The following FGFR1OP2 variants were observed in gnomAD, a reference collection of about 807,000 sequenced individuals.
FGFR1OP2 encodes fibroblast growth factor receptor 1 oncogene partner 2.
FGFR1OP2 carries 17 observed loss-of-function variants against 35.2 expected under a neutral mutation model. The ratio of observed to expected loss-of-function variants is 0.48; its 90% CI spans 0.33 to 0.73. The LOEUF is 0.73. FGFR1OP2 is among the 30% of genes least tolerant of loss of function. The pLI is 0.02. For missense variants in FGFR1OP2, 251 were observed against 307.3 expected, an observed-to-expected ratio of 0.82 and a Z score of 1.37; for synonymous variants, 105 against 104.6, an observed-to-expected ratio of 1.00 and a Z score of -0.03.
At chr12:26,953,357 C>T (rs1443713777) in intron 1 of FGFR1OP2, among the ~76,000 whole-genome samples, 1 of 149,618 alleles carries the variant, frequency 6.7e-6, no homozygotes, top group Non-Finnish European at 1.5e-5. Context: ...TGGAAAGAGA[C>T]TTTAAAATTA....
At position 26,956,459 on chromosome 12, in the gene FGFR1OP2, ATATATT is replaced by A. The variant is rs930941547; in HGVS notation, c.136-72_136-67del. ...CAGATTTTTTATATGTATATTTCAG[ATATATT>A]TATATTTATATATCATATATATATA... On this transcript the variant is annotated intron_variant, in intron 2 of 6. Transcript: ENST00000229395. 3.6e-5 allele frequency: 10 copies of A among 277,550 alleles called. 1 individual carries two copies. Among genetic ancestry groups the A allele is most frequent in the South Asian group, 1.5e-4 (1 of 6,636 alleles). The allele number at this position is 277,550 out of a possible 1,614,324, so 17.2% of individuals were successfully genotyped here.
intron 5 of FGFR1OP2, chr12:26,961,725 C>T (rs958980608): frequency 2.6e-5 from 4 of 152,004 alleles, no homozygotes; most frequent in East Asian, 1.9e-4. Flanking sequence ...CCAACAAGAG[C>T]GAGACTCTGT....
chr12:26,947,276 A>G lies in FGFR1OP2; in HGVS notation c.-14-6869A>G, dbSNP rs750178816. On this transcript the variant is annotated intron_variant, in intron 1 of 6. Coordinates refer to ENST00000229395, the MANE Select transcript of FGFR1OP2 (RefSeq NM_015633.3). Reference sequence around the variant, plus strand: ...ACTTACTATCTTTTCTATTATAGCCATCCTAGTAGGTATATCTCATTGTGG... The same window carrying G: ...ACTTACTATCTTTTCTATTATAGCCGTCCTAGTAGGTATATCTCATTGTGG... Among the ~76,000 whole-genome samples the G allele has an allele frequency of 3.3e-5, 5 of 152,232 alleles. No individual in the cohort carries two copies. In the East Asian group the frequency reaches 7.7e-4, roughly 23 times the overall value.
chr12:26,947,423 T>C (rs1312067784), intron 1 of FGFR1OP2, among the ~76,000 whole-genome samples: 1 of 151,986 alleles, frequency 6.6e-6, no homozygotes, highest in Non-Finnish European at 1.5e-5. Context: ...CCTTTTAACT[T>C]TTTTTTTGGA....
At chr12:26,952,424 A>G (rs562546880) in intron 1 of FGFR1OP2, among the ~76,000 whole-genome samples, 2 of 152,238 alleles carry the variant, frequency 1.3e-5, no homozygotes, top group South Asian at 2.1e-4. Flanking sequence ...CATATTTTCA[A>G]GCATCCTTAT....
intron 1 of FGFR1OP2, among the ~76,000 whole-genome samples, chr12:26,939,162 C>T (rs1938656869): frequency 6.6e-6 from 1 of 152,182 alleles, no homozygotes; most frequent in African/African-American, 2.4e-5. Flanking sequence ...GTTCCAGTAT[C>T]TGTCCTGCTA....
In FGFR1OP2 at chr12:26,960,641, A is replaced by G; in HGVS notation, c.510+13A>G. ...AGCAAATCAGAATGTACACTAAATA[A>G]ACAGTCAACTTTTGGGGTGTGGATG... On this transcript the variant is annotated intron_variant, in intron 5 of 6. Coordinates refer to ENST00000229395, the MANE Select transcript of FGFR1OP2 (RefSeq NM_015633.3). The G allele has an allele frequency of 6.2e-7, 1 of 1,608,484 alleles. No homozygotes were observed. The highest frequency in any genetic ancestry group is 8.5e-7 in the Non-Finnish European group (1 of 1,176,896).
At chr12:26,961,204 A>G (rs1337888272) in intron 5 of FGFR1OP2, 2 of 152,242 alleles carry the variant, frequency 1.3e-5, no homozygotes, top group African/African-American at 2.4e-5. Flanking sequence ...AAGACAGTTC[A>G]AGGGTTATGT....
chr12:26,954,444 C>A, intron 2 of FGFR1OP2, 151 bp downstream of exon 2: 1 of 934,568 alleles, frequency 1.1e-6, no homozygotes, highest in Non-Finnish European at 1.5e-6. Flanking sequence ...TTAATTTTGT[C>A]GTGTTCAGGT....
At chr12:26,960,386 A>G in intron 4 of FGFR1OP2, 129 bp from the exon 5 acceptor site, 1 of 502,342 alleles carries the variant, frequency 2.0e-6, no homozygotes, top group Non-Finnish European at 3.4e-6. Flanking sequence ...TTTTGAACAG[A>G]TGCCTTTTTG....
intron 2 of FGFR1OP2, among the ~76,000 whole-genome samples, chr12:26,956,117 A>G: frequency 6.6e-6 from 1 of 152,160 alleles, no homozygotes; most frequent in East Asian, 1.9e-4. Flanking sequence ...AGGGAAGCCA[A>G]AAGATTGGAC....
chr12:26,941,298 T>G (rs753296287), intron 1 of FGFR1OP2, among the ~76,000 whole-genome samples: 1 of 152,180 alleles, frequency 6.6e-6, no homozygotes, highest in South Asian at 2.1e-4. Flanking sequence ...ACAGTCTTCT[T>G]CCTCCCACTC....
intron 1 of FGFR1OP2, among the ~76,000 whole-genome samples, 164 bp downstream of exon 1, chr12:26,938,874 T>G (rs1938639307): frequency 6.6e-6 from 1 of 151,984 alleles, no homozygotes; most frequent in African/African-American, 2.4e-5. Flanking sequence ...GAGCCGGACT[T>G]CCTCTCCGCG....
At chr12:26,941,773 C>G (rs1052030188) in intron 1 of FGFR1OP2, among the ~76,000 whole-genome samples, 6 of 152,090 alleles carry the variant, frequency 3.9e-5, no homozygotes, top group African/African-American at 1.4e-4. Flanking sequence ...CATATACATT[C>G]CCATTTCTTT....
At chr12:26,946,595 G>C (rs781094703) in intron 1 of FGFR1OP2, among the ~76,000 whole-genome samples, 7 of 152,108 alleles carry the variant, frequency 4.6e-5, no homozygotes, top group Non-Finnish European at 7.4e-5. Flanking sequence ...TATGGGCGTG[G>C]GCCACTGCGC....
In FGFR1OP2 at chr12:26,964,717, G is replaced by A. The variant is rs1565853030; in HGVS notation, c.746G>A (p.Ser249Asn). Residue 249 changes from serine to asparagine, a missense_variant, in exon 7 of 7, where the codon AGT (serine) becomes AAT (asparagine). By Grantham distance (46) the Ser-to-Asn change is conservative. Coordinates refer to ENST00000229395, the MANE Select transcript of FGFR1OP2 (RefSeq NM_015633.3). ...GCATTAGTGACCAACAGTGATTTGAGTCTGAGGAAGAGCTGAAGAGTTTCT... is the reference window on the plus strand; with the variant it reads ...GCATTAGTGACCAACAGTGATTTGAATCTGAGGAAGAGCTGAAGAGTTTCT... ...LSALVTNSDL[S>N]LRKS 6.2e-7 allele frequency: 1 copy of A among 1,611,012 alleles called. No individual in the cohort carries two copies. The highest frequency in any genetic ancestry group is 8.5e-7 in the Non-Finnish European group (1 of 1,179,152).
rs1939022580 is a variant in FGFR1OP2 at position 26,956,533 on chromosome 12, C to T, written c.136-10C>T. 1.4e-6 allele frequency: 2 copies of T among 1,411,972 alleles called. No individual in the cohort carries two copies. Among genetic ancestry groups the T allele is most frequent in the East Asian group, 2.6e-5 (1 of 38,604 alleles). 87.5% of individuals were successfully genotyped at this position (1,411,972 alleles called of 1,614,324 possible). ...GTATTTTCATCCCACATGTTTTTCT[C>T]CCCCATTAGTATCAGGAAGAAATTC... On this transcript the variant is annotated splice_polypyrimidine_tract_variant and intron_variant, in intron 2 of 6. Transcript: ENST00000229395.
chr12:26,952,043 T>C (rs1044268081), intron 1 of FGFR1OP2, among the ~76,000 whole-genome samples: 3 of 151,918 alleles, frequency 2.0e-5, no homozygotes, highest in African/African-American at 7.2e-5. Context: ...TAAAACCAAT[T>C]TTTTTGGTTA....
intron 1 of FGFR1OP2, among the ~76,000 whole-genome samples, chr12:26,941,171 A>G (rs1047683660): frequency 2.6e-5 from 4 of 152,172 alleles, no homozygotes; most frequent in Admixed American, 2.6e-4. Context: ...TAATGTAAGT[A>G]AGTGTATTAT....
Sources: allele counts gnomAD v4.1 joint callset (sites outside exome capture counted in the v4.1 genomes callset), GRCh38; gene constraint gnomAD v4.1.1; transcripts MANE v1.5; gene names NCBI Gene and HGNC (gene_info 2026-07-23, HGNC 2026-07-21).